KCNB2: variants seen among roughly 807,000 people sequenced by gnomAD.
KCNB2 encodes delayed rectifier potassium channel protein.
In KCNB2, 15 loss-of-function variants were observed where a neutral mutation model predicts 61.5. That is an observed-to-expected ratio of 0.24 (90% CI 0.16 to 0.38). The LOEUF is 0.38. Among genes scored for constraint, KCNB2 ranks in the 10% least tolerant of loss-of-function variants. KCNB2 has a pLI of 1.00. For missense variants in KCNB2, 828 were observed against 1,125.2 expected, an observed-to-expected ratio of 0.74 and a Z score of 3.78; for synonymous variants, 457 against 446.0, an observed-to-expected ratio of 1.02 and a Z score of -0.31.
At chr8:72,608,977 A>G (rs764110368) in intron 2 of KCNB2, among the ~76,000 whole-genome samples, 21 of 152,226 alleles carry the variant, frequency 1.4e-4, no homozygotes, top group Non-Finnish European at 3.1e-4. Context: ...GCAATTATGT[A>G]TAACAAGTAA....
At chr8:72,559,157 T>C (rs2128977982) in intron 1 of KCNB2, among the ~76,000 whole-genome samples, 1 of 152,152 alleles carries the variant, frequency 6.6e-6, no homozygotes, top group South Asian at 2.1e-4. Flanking sequence ...TATTATTTAT[T>C]TTTTTGGAGA....
intron 2 of KCNB2, among the ~76,000 whole-genome samples, chr8:72,790,063 A>C (rs1009389845): frequency 6.6e-6 from 1 of 152,146 alleles, no homozygotes; most frequent in Non-Finnish European, 1.5e-5. Context: ...GTGGGTTCAG[A>C]GTGGATGAAA....
chr8:72,837,127 A>G (rs1266868317), intron 2 of KCNB2, among the ~76,000 whole-genome samples: 1 of 152,224 alleles, frequency 6.6e-6, no homozygotes, highest in Non-Finnish European at 1.5e-5. Context: ...TGTTCCTGGA[A>G]CAAGAGAAAT....
At chr8:72,774,189 T>C (rs1174621919) in intron 2 of KCNB2, among the ~76,000 whole-genome samples, 3 of 152,140 alleles carry the variant, frequency 2.0e-5, no homozygotes, top group Non-Finnish European at 4.4e-5. Flanking sequence ...GTGGCTTAAA[T>C]GCTAGCCAAG....
At chr8:72,763,237 C>G (rs971848318) in intron 2 of KCNB2, among the ~76,000 whole-genome samples, 5 of 152,082 alleles carry the variant, frequency 3.3e-5, no homozygotes, top group Non-Finnish European at 5.9e-5. Context: ...ATAGCTCACC[C>G]GCACCACTTG....
At chr8:72,838,140 G>A (rs1809814802) in intron 2 of KCNB2, among the ~76,000 whole-genome samples, 1 of 152,048 alleles carries the variant, frequency 6.6e-6, no homozygotes, top group African/African-American at 2.4e-5. Flanking sequence ...TATACTTTAA[G>A]TTATAGGTTA....
intron 2 of KCNB2, among the ~76,000 whole-genome samples, chr8:72,714,944 C>T (rs1251118824): frequency 6.6e-6 from 1 of 151,876 alleles, no homozygotes; most frequent in Admixed American, 6.6e-5. Flanking sequence ...CACATAGGCT[C>T]AAAATAAAGG....
At chr8:72,701,182 A>G (rs1807118563) in intron 2 of KCNB2, among the ~76,000 whole-genome samples, 1 of 152,150 alleles carries the variant, frequency 6.6e-6, no homozygotes, top group South Asian at 2.1e-4. Flanking sequence ...CACACAGTAT[A>G]CCCATGAAAT....
At chr8:72,872,163 A>G (rs1805628336) in intron 2 of KCNB2, among the ~76,000 whole-genome samples, 1 of 152,212 alleles carries the variant, frequency 6.6e-6, no homozygotes, top group African/African-American at 2.4e-5. Context: ...TTGTTAAAAT[A>G]GAGAGTGACT....
chr8:72,605,334 C>T (rs1805426609), intron 2 of KCNB2, among the ~76,000 whole-genome samples: 1 of 152,178 alleles, frequency 6.6e-6, no homozygotes, highest in South Asian at 2.1e-4. Context: ...GGGCTCCACA[C>T]TAGACATCAT....
At chr8:72,669,811 G>C (rs917182489) in intron 2 of KCNB2, among the ~76,000 whole-genome samples, 3 of 152,122 alleles carry the variant, frequency 2.0e-5, no homozygotes, top group Non-Finnish European at 4.4e-5. Flanking sequence ...CAGTCACCTA[G>C]GACTACCCCA....
intron 2 of KCNB2, among the ~76,000 whole-genome samples, chr8:72,796,422 T>A (rs1190615659): frequency 6.6e-6 from 1 of 152,166 alleles, no homozygotes; most frequent in African/African-American, 2.4e-5. Context: ...TGGCTAATGT[T>A]AATCATACAG....
intron 2 of KCNB2, among the ~76,000 whole-genome samples, chr8:72,579,532 C>T (rs1050248018): frequency 2.0e-5 from 3 of 152,116 alleles, no homozygotes; most frequent in African/African-American, 7.2e-5. Context: ...TTTTCCTCTC[C>T]CTTTGAGAGA....
At chr8:72,722,314 A>G (rs1454371632) in intron 2 of KCNB2, among the ~76,000 whole-genome samples, 1 of 152,202 alleles carries the variant, frequency 6.6e-6, no homozygotes, top group Admixed American at 6.5e-5. Context: ...AGATCCTTTC[A>G]AATGGTTGGA....
chr8:72,910,751 A>G (rs561606354), intron 2 of KCNB2, among the ~76,000 whole-genome samples: 2 of 152,364 alleles, frequency 1.3e-5, no homozygotes, highest in East Asian at 3.9e-4. Flanking sequence ...AAGTTGCCAG[A>G]TATGGCTCAC....
chr8:72,898,393 G>A (rs1337718581), intron 2 of KCNB2, among the ~76,000 whole-genome samples: 1 of 151,782 alleles, frequency 6.6e-6, no homozygotes, highest in Admixed American at 6.6e-5. Context: ...GTATACGTAT[G>A]TAACTAACCT....
At chr8:72,579,788 A>C (rs1055789797) in intron 2 of KCNB2, among the ~76,000 whole-genome samples, 5 of 152,196 alleles carry the variant, frequency 3.3e-5, no homozygotes, top group African/African-American at 9.7e-5. Context: ...ACAACTTCCT[A>C]GTATCATCAG....
chr8:72,868,149 G>C (rs1805561896), intron 2 of KCNB2, among the ~76,000 whole-genome samples: 1 of 149,524 alleles, frequency 6.7e-6, no homozygotes, highest in Non-Finnish European at 1.5e-5. Flanking sequence ...ATAGCTCACT[G>C]TAGCCTCAGA....
chr8:72,730,429 T>A (rs1807721927), intron 2 of KCNB2, among the ~76,000 whole-genome samples: 1 of 152,252 alleles, frequency 6.6e-6, no homozygotes, highest in Admixed American at 6.5e-5. Flanking sequence ...AATAACAGTG[T>A]ATCATGCTTA....
Sources: gnomAD v4.1 joint callset for allele counts (sites outside exome capture counted in the v4.1 genomes callset) on GRCh38, gnomAD v4.1.1 for gene constraint, MANE v1.5 for transcripts, NCBI Gene and HGNC (gene_info 2026-07-23, HGNC 2026-07-21) for gene names.